The following RDX variants were observed in gnomAD, a reference collection of about 807,000 sequenced individuals.
RDX encodes the protein radixin.
A neutral mutation model predicts 83.7 loss-of-function variants in RDX; 32 were observed. The observed-to-expected ratio is 0.38, with a 90% confidence interval of 0.29 to 0.51. The LOEUF is 0.51. Ranked by LOEUF, RDX falls within the 20% of genes least tolerant of loss-of-function variation. The pLI is 0.87. For missense variants in RDX, 600 were observed against 689.9 expected (o/e 0.87, Z 1.46); for synonymous variants, 229 against 222.7 (o/e 1.03, Z -0.25).
chr11:110,228,405 A>C (rs1864500473), downstream of RDX, among the ~76,000 whole-genome samples: 1 of 152,118 alleles, frequency 6.6e-6, no homozygotes, highest in South Asian at 2.1e-4. Context: ...AAAATGCTAA[A>C]GTTCTGTTCA....
At chr11:110,242,862 A>G (rs1317797307) in intron 10 of RDX, among the ~76,000 whole-genome samples, 1 of 151,132 alleles carries the variant, frequency 6.6e-6, no homozygotes, top group Non-Finnish European at 1.5e-5. Flanking sequence ...ACCCAATCCA[A>G]TGCTTTTTTT....
At chr11:110,201,177 C>CAAAAA (rs34428422) in intron 14 of RDX, among the ~76,000 whole-genome samples, 21 of 82,010 alleles carry the variant, frequency 2.6e-4, no homozygotes, top group East Asian at 3.4e-4. Context: ...ACTCCCGTCT[C>CAAAAA]AAAAAAAAAA....
intron 15 of RDX, chr11:110,181,870 G>A (rs76516736): frequency 6.6e-6 from 1 of 152,334 alleles, no homozygotes; most frequent in Non-Finnish European, 1.5e-5. Flanking sequence ...TTTATTCCGA[G>A]ACATTGTTAC....
chr11:110,195,145 CA>C (rs1351047112), intron 15 of RDX, among the ~76,000 whole-genome samples: 1 of 152,078 alleles, frequency 6.6e-6, no homozygotes, highest in African/African-American at 2.4e-5. Context: ...CACACACCAC[CA>C]TGCCCAGGGG....
intron 14 of RDX, among the ~76,000 whole-genome samples, chr11:110,222,162 A>G (rs1380076772): frequency 1.3e-5 from 2 of 152,222 alleles, no homozygotes; most frequent in African/African-American, 2.4e-5. Flanking sequence ...TGGTTGAAAA[A>G]TAAGAGGTGG....
rs1195313309 is a variant in RDX at position 110,257,776 on chromosome 11, T to C, written c.689A>G (p.His230Arg). 6.2e-7 allele frequency: 1 copy of C among 1,611,800 alleles called. No homozygotes were observed. The highest frequency in any genetic ancestry group is 1.1e-5 in the South Asian group (1 of 90,992). ...CAACTAATTTACTTACTTGTCGTCA[T>C]GCTCATAAATATTCAGACCCAAAGC... The part of the protein sequence containing the change: ...VDALGLNIYE[H>R]DDKLTPKIGF... Residue 230 changes from histidine to arginine, a missense_variant, in exon 7 of 14, where the codon CAT becomes CGT. His to Arg is a conservative substitution (Grantham distance 29). Coordinates refer to ENST00000645495, the MANE Select transcript of RDX (RefSeq NM_002906.4).
At chr11:110,205,878 C>T (rs1338795168) in intron 14 of RDX, among the ~76,000 whole-genome samples, 1 of 152,166 alleles carries the variant, frequency 6.6e-6, no homozygotes, top group East Asian at 1.9e-4. Context: ...TGTAGAAATA[C>T]TGTTGTGCTT....
At chr11:110,266,818 C>T (rs1860069411) in intron 3 of RDX, among the ~76,000 whole-genome samples, 1 of 152,036 alleles carries the variant, frequency 6.6e-6, no homozygotes, top group South Asian at 2.1e-4. Context: ...AAACTCCTGG[C>T]CTCAAGTGAT....
intron 10 of RDX, among the ~76,000 whole-genome samples, chr11:110,239,762 T>G (rs902566663): frequency 4.6e-5 from 7 of 151,640 alleles, no homozygotes; most frequent in Admixed American, 3.9e-4. Context: ...TAATCCCAGT[T>G]ACTTGGGTGG....
At chr11:110,248,734 T>G (rs1859212206) in intron 9 of RDX, among the ~76,000 whole-genome samples, 1 of 152,086 alleles carries the variant, frequency 6.6e-6, no homozygotes, top group African/African-American at 2.4e-5. Context: ...ACCGGAGACC[T>G]CCACTGGGGA....
chr11:110,192,370 A>G (rs911285858), intron 15 of RDX, among the ~76,000 whole-genome samples: 2 of 152,226 alleles, frequency 1.3e-5, no homozygotes, highest in African/African-American at 2.4e-5. Flanking sequence ...ACCTTTCACC[A>G]TATACAAAAA....
intron 15 of RDX, among the ~76,000 whole-genome samples, chr11:110,177,845 C>G (rs1340884627): frequency 1.3e-5 from 2 of 152,166 alleles, no homozygotes; most frequent in South Asian, 2.1e-4. Context: ...CACCCTGCCT[C>G]AAATCCTTCT....
At chr11:110,246,903 C>A (rs538791568) in intron 10 of RDX, among the ~76,000 whole-genome samples, 1 of 152,146 alleles carries the variant, frequency 6.6e-6, no homozygotes, top group African/African-American at 2.4e-5. Flanking sequence ...AACTGAATAG[C>A]TTGTTTTACC....
At chr11:110,275,977 C>T (rs1487317843) in intron 2 of RDX, among the ~76,000 whole-genome samples, 1 of 151,574 alleles carries the variant, frequency 6.6e-6, no homozygotes, top group Admixed American at 6.6e-5. Flanking sequence ...TATAAACGGG[C>T]CAGTATAAAT....
At chr11:110,283,693 C>G (rs1003675870) in intron 1 of RDX, among the ~76,000 whole-genome samples, 1 of 151,598 alleles carries the variant, frequency 6.6e-6, no homozygotes, top group Non-Finnish European at 1.5e-5. Flanking sequence ...GACCCCGTCT[C>G]TATGTTTTTT....
intron 14 of RDX, among the ~76,000 whole-genome samples, chr11:110,211,747 C>T (rs1254532373): frequency 3.3e-5 from 5 of 149,266 alleles, no homozygotes; most frequent in South Asian, 2.2e-4. Context: ...GGGTACATAA[C>T]GAAATGAAGG....
chr11:110,241,946 T>C (rs980655918), intron 10 of RDX, among the ~76,000 whole-genome samples: 3 of 152,104 alleles, frequency 2.0e-5, no homozygotes, highest in African/African-American at 7.2e-5. Context: ...AAATACTGTA[T>C]GATACCACTT....
intron 1 of RDX, among the ~76,000 whole-genome samples, chr11:110,291,640 A>G (rs976690618): frequency 1.3e-5 from 2 of 152,126 alleles, no homozygotes; most frequent in African/African-American, 4.8e-5. Context: ...CCCCAACCTC[A>G]GCATTCTGAG....
chr11:110,178,567 C>T (rs145733872), intron 15 of RDX, among the ~76,000 whole-genome samples: 66 of 152,234 alleles, frequency 4.3e-4, no homozygotes, highest in East Asian at 1.7e-3. Context: ...TGTGGGAAGA[C>T]GGGACAGGTT....
Sources: allele counts gnomAD v4.1 joint callset (sites outside exome capture counted in the v4.1 genomes callset), GRCh38; gene constraint gnomAD v4.1.1; transcripts MANE v1.5; gene names NCBI Gene and HGNC (gene_info 2026-07-23, HGNC 2026-07-21).